The following FGD4 variants were observed in gnomAD, a reference collection of about 807,000 sequenced individuals.
FGD4 encodes FYVE, RhoGEF and PH domain containing 4.
FGD4 carries 42 observed loss-of-function variants against 102.0 expected under a neutral mutation model. The ratio of observed to expected loss-of-function variants is 0.41; its 90% confidence interval spans 0.32 to 0.53. FGD4 has a LOEUF of 0.53. Among genes scored for constraint, FGD4 ranks in the 20% least tolerant of loss-of-function variants. FGD4 has a pLI of 0.21. For missense variants in FGD4, 902 were observed against 1,078.2 expected (o/e 0.84, Z 2.29); for synonymous variants, 380 against 375.7 (o/e 1.01, Z -0.13).
intron 2 of FGD4, among the ~76,000 whole-genome samples, chr12:32,573,852 TC>T (rs1165229204): frequency 6.6e-6 from 1 of 152,206 alleles, no homozygotes; most frequent in African/African-American, 2.4e-5. Context: ...AGTATAATGT[TC>T]CAAACATTTG....
At chr12:32,438,801 G>T (rs954019464) in intron 1 of FGD4, among the ~76,000 whole-genome samples, 1 of 151,828 alleles carries the variant, frequency 6.6e-6, no homozygotes, top group Non-Finnish European at 1.5e-5. Flanking sequence ...GTAGAGACGG[G>T]GTTTCACCAT....
chr12:32,563,468 C>A (rs993689169), intron 1 of FGD4, among the ~76,000 whole-genome samples: 50 of 151,690 alleles, frequency 3.3e-4, no homozygotes, highest in Non-Finnish European at 2.9e-5. Flanking sequence ...GCACTCCTCA[C>A]TTCCTAGATG....
rs559869279 is a variant in FGD4 at position 32,432,617 on chromosome 12, A to C, written c.166+32658A>C. On this transcript the variant is annotated intron_variant, in intron 1 of 16. Transcript: ENST00000534526. Reference sequence around the variant, plus strand: ...AGACTCCATCTCAAAAAAAAAAAAAAAGGTAGTAATAGGGGTTGGCCCTTC... The same window carrying C: ...AGACTCCATCTCAAAAAAAAAAAAACAGGTAGTAATAGGGGTTGGCCCTTC... 9.9e-5 allele frequency among the ~76,000 whole-genome samples: 15 copies of C among 151,828 alleles called. No homozygotes were observed. The South Asian group carries it at 2.3e-3, about 23-fold the overall frequency.
At chr12:32,502,428 C>A in intron 1 of FGD4, 1 of 824,812 alleles carries the variant, frequency 1.2e-6, no homozygotes, top group Non-Finnish European at 1.5e-6. Context: ...GAGCTCTAAG[C>A]TCTTTTTAAA....
intron 15 of FGD4, 114 bp downstream of exon 15, chr12:32,633,803 C>T (rs931408306): frequency 1.9e-5 from 18 of 956,374 alleles, no homozygotes; most frequent in Non-Finnish European, 2.4e-5. Flanking sequence ...GCAACCTCAG[C>T]CTCCCAAGTT....
intron 1 of FGD4, among the ~76,000 whole-genome samples, chr12:32,495,528 T>C (rs1313315296): frequency 6.6e-6 from 1 of 151,800 alleles, no homozygotes; most frequent in Non-Finnish European, 1.5e-5. Context: ...AACCCGTCTC[T>C]ACTAAAAAAT....
At chr12:32,566,822 C>T (rs114930428) in intron 2 of FGD4, among the ~76,000 whole-genome samples, 8 of 152,188 alleles carry the variant, frequency 5.3e-5, no homozygotes, top group Admixed American at 1.3e-4. Context: ...CACCTTTGTT[C>T]CTGCCTCACT....
At chr12:32,534,644 G>C in intron 1 of FGD4, 1 of 494,592 alleles carries the variant, frequency 2.0e-6, no homozygotes, top group South Asian at 5.1e-5. Flanking sequence ...TCAAGTTCAA[G>C]ATTAAAATAT....
chr12:32,554,865 G>T (rs1943965961), intron 1 of FGD4, among the ~76,000 whole-genome samples: 1 of 152,270 alleles, frequency 6.6e-6, no homozygotes, highest in Non-Finnish European at 1.5e-5. Flanking sequence ...AATGCCCAAG[G>T]GGCAATAGTG....
At chr12:32,487,706 C>T (rs961512079) in intron 1 of FGD4, among the ~76,000 whole-genome samples, 4 of 152,138 alleles carry the variant, frequency 2.6e-5, no homozygotes, top group Non-Finnish European at 5.9e-5. Context: ...GGATTACAGG[C>T]GTGAGCCACC....
intron 1 of FGD4, among the ~76,000 whole-genome samples, chr12:32,457,441 T>C (rs1467395240): frequency 1.1e-4 from 17 of 152,234 alleles, no homozygotes; most frequent in Non-Finnish European, 1.8e-4. Context: ...ACTGTGTTTA[T>C]TTTGGAACTA....
intron 1 of FGD4, chr12:32,511,312 G>T (rs1565788280): frequency 1.3e-5 from 2 of 151,934 alleles, no homozygotes; most frequent in African/African-American, 2.4e-5. Context: ...CGATCGGTGT[G>T]ATATATATAT....
intron 1 of FGD4, among the ~76,000 whole-genome samples, chr12:32,410,941 T>G (rs1174261222): frequency 6.7e-6 from 1 of 149,358 alleles, no homozygotes; most frequent in Non-Finnish European, 1.5e-5. Flanking sequence ...CTTTTTTTTT[T>G]TTTTTTTGAG....
intron 4 of FGD4, among the ~76,000 whole-genome samples, chr12:32,591,167 A>G (rs112794201): frequency 3.7e-4 from 56 of 152,300 alleles, no homozygotes; most frequent in African/African-American, 1.2e-3. Context: ...CTCTCTTTCC[A>G]TAGAAGAATA....
At chr12:32,433,738 G>T (rs879381674) in intron 1 of FGD4, among the ~76,000 whole-genome samples, 6 of 152,134 alleles carry the variant, frequency 3.9e-5, no homozygotes, top group Non-Finnish European at 7.4e-5. Context: ...ACTGTTAATT[G>T]TTGCTTTGAG....
intron 1 of FGD4, among the ~76,000 whole-genome samples, chr12:32,466,459 G>A (rs1943253953): frequency 6.6e-6 from 1 of 152,098 alleles, no homozygotes; most frequent in Non-Finnish European, 1.5e-5. Flanking sequence ...TCTCTGTTCT[G>A]TTCAGGCCTT....
intron 1 of FGD4, among the ~76,000 whole-genome samples, chr12:32,412,648 C>T (rs1193042548): frequency 6.6e-6 from 1 of 152,068 alleles, no homozygotes. Context: ...CTCGCGCCAT[C>T]GCCAGGCTGG....
intron 1 of FGD4, chr12:32,534,262 T>C: frequency 7.8e-7 from 1 of 1,280,656 alleles, no homozygotes; most frequent in Non-Finnish European, 9.9e-7. Flanking sequence ...TCTGGGGAGG[T>C]GTGGCATGTT....
At chr12:32,458,423 C>T (rs984870123) in intron 1 of FGD4, among the ~76,000 whole-genome samples, 1 of 152,052 alleles carries the variant, frequency 6.6e-6, no homozygotes, top group African/African-American at 2.4e-5. Flanking sequence ...ATCCTCCTGC[C>T]TTGGCCTCCC....
Sources: allele counts gnomAD v4.1 joint callset (sites outside exome capture counted in the v4.1 genomes callset), GRCh38; gene constraint gnomAD v4.1.1; transcripts MANE v1.5; gene names NCBI Gene and HGNC (gene_info 2026-07-23, HGNC 2026-07-21).